NELL1: variants seen among roughly 807,000 people sequenced by gnomAD.
NELL1 encodes the protein neural EGFL like 1.
A neutral mutation model predicts 107.4 loss-of-function variants in NELL1; 76 were observed. That is an observed-to-expected ratio of 0.71 (90% CI 0.59 to 0.86). The LOEUF (loss-of-function observed/expected upper bound fraction) is 0.86. Ranked by LOEUF, NELL1 falls within the 40% of genes least tolerant of loss-of-function variation. The probability of loss-of-function intolerance (pLI) is 0.00; values close to 1 mark genes in which losing one functional copy is unlikely to be tolerated. For synonymous variants in NELL1, 353 were observed against 341.2 expected (o/e 1.03, Z -0.38); for missense variants, 1,024 against 1,005.5 (o/e 1.02, Z -0.25).
At chr11:20,991,437 C>T (rs1851969272) in intron 12 of NELL1, among the ~76,000 whole-genome samples, 1 of 152,156 alleles carries the variant, frequency 6.6e-6, no homozygotes, top group South Asian at 2.1e-4. Flanking sequence ...CAATTATGTG[C>T]AATAGGTGAC....
intron 14 of NELL1, among the ~76,000 whole-genome samples, chr11:21,272,901 G>A (rs1482401296): frequency 6.6e-6 from 1 of 152,178 alleles, no homozygotes; most frequent in Non-Finnish European, 1.5e-5. Context: ...AAACCCATCT[G>A]TACGTCACCA....
chr11:21,369,942 T>C (rs542275892), intron 14 of NELL1, among the ~76,000 whole-genome samples: 1 of 152,138 alleles, frequency 6.6e-6, no homozygotes, highest in South Asian at 2.1e-4. Context: ...GCATCTGCTA[T>C]GTGAATACAT....
At chr11:21,306,536 C>T (rs975767287) in intron 14 of NELL1, among the ~76,000 whole-genome samples, 1 of 151,954 alleles carries the variant, frequency 6.6e-6, no homozygotes, top group Non-Finnish European at 1.5e-5. Context: ...TGCAGTATGT[C>T]GATGTTTTTA....
At chr11:21,001,259 T>C (rs150475892) in intron 12 of NELL1, among the ~76,000 whole-genome samples, 1 of 152,324 alleles carries the variant, frequency 6.6e-6, no homozygotes, top group African/African-American at 2.4e-5. Context: ...GAGCTGAGGA[T>C]TAAATAAAAC....
rs546602150 is a variant in NELL1 at position 20,690,492 on chromosome 11, TCTACA to T, written c.184+12433_184+12437del. ...TAAGGAAGGGATCCAGTTTCAGCTT[TCTACA>T]TATGGCTAGCCAGTTTTCCCAGCAC... On this transcript the variant is annotated intron_variant, in intron 2 of 19. Coordinates refer to ENST00000357134, the MANE Select transcript of NELL1 (RefSeq NM_006157.5). Among the ~76,000 whole-genome samples the T allele has an allele frequency of 3.4e-3, 522 of 151,508 alleles. 1 individual carries two copies. The highest frequency in any genetic ancestry group is 0.012 in the African/African-American group (501 of 41,380).
chr11:20,953,755 C>T (rs1851113372), intron 11 of NELL1, among the ~76,000 whole-genome samples: 1 of 152,136 alleles, frequency 6.6e-6, no homozygotes, highest in African/African-American at 2.4e-5. Context: ...TTTGTCCAGC[C>T]AACCTCATTC....
chr11:21,217,089 C>T lies in NELL1; in HGVS notation c.1427-12243C>T, dbSNP rs186497051. On this transcript the variant is annotated intron_variant, in intron 13 of 19. Coordinates refer to ENST00000357134, the MANE Select transcript of NELL1 (RefSeq NM_006157.5). ...TCTTGTGATAGTGAGTGAGTTCCCA[C>T]GAGATCTGATGGTTTCATAAGGGGC... Among the ~76,000 whole-genome samples, 31 of 152,210 alleles carry T rather than the reference C, an allele frequency of 2.0e-4. No homozygotes were observed. The East Asian group carries it at 3.7e-3, about 18-fold the overall frequency.
In NELL1 at chr11:21,575,185, G is replaced by T; in HGVS notation, c.*163G>T. The T allele has an allele frequency of 1.6e-6, 1 of 635,686 alleles. No individual in the cohort carries two copies. Among genetic ancestry groups the T allele is most frequent in the Non-Finnish European group, 2.8e-6 (1 of 356,962 alleles). 39.4% of individuals were successfully genotyped at this position (635,686 alleles called of 1,614,324 possible). ...GACGGTGTTTGGAGGTTGCCTTTTG[G>T]ACCTACCACTTTGCTCATTCTTGCT... is the stretch of plus-strand genomic sequence containing the variant. On this transcript the variant is annotated 3_prime_UTR_variant, in exon 20 of 20. Coordinates refer to ENST00000357134, the MANE Select transcript of NELL1 (RefSeq NM_006157.5).
At chr11:21,170,721 C>A (rs1343285552) in intron 13 of NELL1, among the ~76,000 whole-genome samples, 1 of 126,744 alleles carries the variant, frequency 7.9e-6, no homozygotes, top group East Asian at 2.3e-4. Context: ...ATATATATAT[C>A]TGTCACTCTA....
At chr11:21,206,603 A>G (rs1167302002) in intron 13 of NELL1, among the ~76,000 whole-genome samples, 2 of 152,088 alleles carry the variant, frequency 1.3e-5, no homozygotes, top group Non-Finnish European at 1.5e-5. Flanking sequence ...ACCCCTCCCC[A>G]CTGCCTTTTC....
At chr11:20,691,920 CTT>C (rs1854477997) in intron 2 of NELL1, among the ~76,000 whole-genome samples, 1 of 151,980 alleles carries the variant, frequency 6.6e-6, no homozygotes, top group Non-Finnish European at 1.5e-5. Context: ...GTCCTGGACT[CTT>C]TTTGGTTGGT....
chr11:21,468,612 A>T (rs577702023), intron 15 of NELL1, among the ~76,000 whole-genome samples: 24 of 152,112 alleles, frequency 1.6e-4, no homozygotes, highest in Non-Finnish European at 3.1e-4. Flanking sequence ...TTATTATCTG[A>T]CTGGAAAGTG....
chr11:21,206,785 C>T (rs931882121), intron 13 of NELL1, among the ~76,000 whole-genome samples: 17 of 152,162 alleles, frequency 1.1e-4, no homozygotes, highest in Admixed American at 1.0e-3. Flanking sequence ...CATGTTCATA[C>T]TGAGACTCCC....
At chr11:21,165,875 GC>G (rs1366612806) in intron 13 of NELL1, among the ~76,000 whole-genome samples, 1 of 147,394 alleles carries the variant, frequency 6.8e-6, no homozygotes, top group East Asian at 2.0e-4. Flanking sequence ...CAATTCTCCT[GC>G]CTCAGCCTCC....
intron 10 of NELL1, among the ~76,000 whole-genome samples, chr11:20,944,622 C>A: frequency 6.6e-6 from 1 of 152,124 alleles, no homozygotes; most frequent in East Asian, 1.9e-4. Context: ...ATACTATAAT[C>A]AGAAAGACTT....
At chr11:21,247,121 C>A (rs1858513675) in intron 14 of NELL1, among the ~76,000 whole-genome samples, 4 of 152,118 alleles carry the variant, frequency 2.6e-5, no homozygotes, top group Admixed American at 2.6e-4. Flanking sequence ...GCTTGCAGGA[C>A]TGGAAGTTGC....
chr11:21,219,605 T>G (rs1857702380), intron 13 of NELL1, among the ~76,000 whole-genome samples: 1 of 152,348 alleles, frequency 6.6e-6, no homozygotes, highest in African/African-American at 2.4e-5. Flanking sequence ...GTTTTATTAA[T>G]TTAGGTCTCA....
chr11:21,487,107 G>A (rs1854653528), intron 15 of NELL1, among the ~76,000 whole-genome samples: 1 of 152,104 alleles, frequency 6.6e-6, no homozygotes, highest in Non-Finnish European at 1.5e-5. Flanking sequence ...TCCAGATATA[G>A]GAAGATCAAA....
At chr11:21,374,560 C>A (rs1851426339) in intron 15 of NELL1, among the ~76,000 whole-genome samples, 1 of 152,026 alleles carries the variant, frequency 6.6e-6, no homozygotes, top group African/African-American at 2.4e-5. Context: ...TTAGAGGAGA[C>A]TCACTCTAGC....
Sources: allele counts gnomAD v4.1 joint callset (sites outside exome capture counted in the v4.1 genomes callset), GRCh38; gene constraint gnomAD v4.1.1; transcripts MANE v1.5; gene names NCBI Gene and HGNC (gene_info 2026-07-23, HGNC 2026-07-21).